ROR1: variants seen among roughly 807,000 people sequenced by gnomAD.
ROR1 encodes ROR family WNT receptor 1.
A neutral mutation model predicts 78.8 loss-of-function variants in ROR1; 19 were observed. That is an observed-to-expected ratio of 0.24 (90% CI 0.17 to 0.35). ROR1 has a LOEUF of 0.35. Ranked by LOEUF, ROR1 falls within the 10% of genes least tolerant of loss-of-function variation. ROR1 has a pLI of 1.00. For synonymous variants in ROR1, 386 were observed against 433.6 expected (o/e 0.89, Z 1.36); for missense variants, 917 against 1,177.8 (o/e 0.78, Z 3.24).
At chr1:64,130,001 GA>G (rs1353748001) in intron 4 of ROR1, among the ~76,000 whole-genome samples, 1 of 151,926 alleles carries the variant, frequency 6.6e-6, no homozygotes, top group South Asian at 2.1e-4. Flanking sequence ...ATAGCCAAGG[GA>G]AAAAAACTTC....
Position 63,774,460 on chromosome 1 carries a change from G to T in ROR1, c.43G>T (p.Ala15Ser). 3.4e-6 allele frequency: 4 copies of T among 1,171,890 alleles called. No individual in the cohort carries two copies. Among genetic ancestry groups the T allele is most frequent in the Non-Finnish European group, 4.2e-6 (4 of 954,464 alleles). The allele number at this position is 1,171,890 out of a possible 1,614,324, so 72.6% of individuals were successfully genotyped here. A position where few individuals can be genotyped will look rare whatever the true frequency, so the allele number is the denominator to read the frequency against. The change falls in exon 1 of 9, where the codon GCG (alanine) becomes TCG (serine). Residue 15 changes from alanine to serine, a missense_variant. By Grantham distance (99) the Ala-to-Ser change is moderately conservative. Coordinates refer to ENST00000371079, the MANE Select transcript of ROR1 (RefSeq NM_005012.4). This position sits in a 1 kb window ranked among gnomAD's most constrained non-coding sequence, Gnocchi z 5.7. ...RRRGTRPPLL[A>S]LLAALLLAAR... ...CCGCGGGACGCGCCCGCCGCTCCTG[G>T]CGCTGCTGGCCGCGCTGCTGCTGGC... is the stretch of plus-strand genomic sequence containing the variant.
At chr1:64,024,393 A>G (rs1646591431) in intron 2 of ROR1, among the ~76,000 whole-genome samples, 1 of 152,184 alleles carries the variant, frequency 6.6e-6, no homozygotes, top group Non-Finnish European at 1.5e-5. Context: ...AGGCAGGAGA[A>G]TCACTGGAAC....
At position 64,047,417 on chromosome 1, in the gene ROR1, G is replaced by A. The variant is rs531713267; in HGVS notation, c.164-2274G>A. On this transcript the variant is annotated intron_variant, in intron 2 of 8. Coordinates refer to ENST00000371079, the MANE Select transcript of ROR1 (RefSeq NM_005012.4). Reference sequence around the variant, plus strand: ...CCCTGTTTATTATTTTGGTTTTTCCGTTGGTTAAACTGAGGTACAAAGAGG... The same window carrying A: ...CCCTGTTTATTATTTTGGTTTTTCCATTGGTTAAACTGAGGTACAAAGAGG... Among the ~76,000 whole-genome samples, 22 of 152,154 alleles carry A rather than the reference G, an allele frequency of 1.4e-4. No individual in the cohort carries two copies. In the South Asian group the frequency reaches 2.7e-3, roughly 19 times the overall value.
chr1:63,786,462 C>T (rs1292785538), intron 1 of ROR1, among the ~76,000 whole-genome samples: 3 of 150,974 alleles, frequency 2.0e-5, no homozygotes, highest in African/African-American at 4.9e-5. Flanking sequence ...TTAATAGAGA[C>T]GGGGTTTCAC....
At chr1:63,933,304 G>T (rs955556069) in intron 1 of ROR1, among the ~76,000 whole-genome samples, 2 of 152,136 alleles carry the variant, frequency 1.3e-5, no homozygotes, top group African/African-American at 4.8e-5. Context: ...GTAAAACAGG[G>T]TTAATAATTC....
At chr1:63,924,010 C>T (rs1423458675) in intron 1 of ROR1, among the ~76,000 whole-genome samples, 3 of 151,738 alleles carry the variant, frequency 2.0e-5, no homozygotes, top group Non-Finnish European at 2.9e-5. Flanking sequence ...GCTCTAAACA[C>T]GGGGTTCTTC....
rs544010122 is a variant in ROR1, at chr1:63,932,033, A to G, written c.92-77272A>G. On this transcript the variant is annotated intron_variant, in intron 1 of 8. Coordinates refer to ENST00000371079, the MANE Select transcript of ROR1 (RefSeq NM_005012.4). ...ACTGCTATACTCATATTATGTACTC[A>G]TAATAATGCCTACCTTACATGCTTG... Among the ~76,000 whole-genome samples, 121 of 152,264 alleles carry G rather than the reference A, an allele frequency of 7.9e-4. 3 individuals carry two copies. The highest frequency in any genetic ancestry group is 7.0e-3 in the Admixed American group (107 of 15,290).
At chr1:63,936,090 T>C (rs762003441) in intron 1 of ROR1, among the ~76,000 whole-genome samples, 2 of 152,218 alleles carry the variant, frequency 1.3e-5, no homozygotes, top group Non-Finnish European at 2.9e-5. Flanking sequence ...TACCTGCTGA[T>C]TGAAAGACCG....
intron 1 of ROR1, among the ~76,000 whole-genome samples, chr1:63,806,324 T>TC: frequency 6.6e-6 from 1 of 150,854 alleles, no homozygotes; most frequent in East Asian, 1.9e-4. Context: ...CTATTTTTTT[T>TC]TTTTTTTTTT....
intron 1 of ROR1, among the ~76,000 whole-genome samples, chr1:63,861,548 C>G (rs568019505): frequency 6.6e-6 from 1 of 152,268 alleles, no homozygotes; most frequent in East Asian, 1.9e-4. Context: ...CAAGACAGGT[C>G]TGTAGGAAAT....
chr1:64,148,913 A>G (rs1161244937), intron 7 of ROR1, among the ~76,000 whole-genome samples: 1 of 152,236 alleles, frequency 6.6e-6, no homozygotes, highest in Non-Finnish European at 1.5e-5. Context: ...CACTCACAGA[A>G]ACCAATATAT....
intron 1 of ROR1, among the ~76,000 whole-genome samples, chr1:63,937,092 C>T (rs1254353719): frequency 1.3e-5 from 2 of 152,116 alleles, no homozygotes; most frequent in African/African-American, 4.8e-5. Context: ...GATAATTGGC[C>T]AAGGAATTGG....
At chr1:64,133,397 G>C (rs1042165229) in intron 4 of ROR1, among the ~76,000 whole-genome samples, 1 of 152,204 alleles carries the variant, frequency 6.6e-6, no homozygotes, top group Non-Finnish European at 1.5e-5. Context: ...GTGGTTCCTA[G>C]ATGGGCACTC....
At chr1:63,795,545 A>G (rs1480265897) in intron 1 of ROR1, among the ~76,000 whole-genome samples, 2 of 152,176 alleles carry the variant, frequency 1.3e-5, no homozygotes, top group African/African-American at 4.8e-5. Context: ...TGAGCTGAGC[A>G]AGCTCATGGA....
intron 4 of ROR1, 106 bp downstream of exon 4, chr1:64,050,822 A>T (rs1646822626): frequency 9.1e-7 from 1 of 1,100,436 alleles, no homozygotes. Flanking sequence ...TGGCTTCCAG[A>T]TGTCATTCCA....
intron 8 of ROR1, among the ~76,000 whole-genome samples, chr1:64,163,272 G>T (rs954979803): frequency 2.0e-5 from 3 of 146,964 alleles, no homozygotes; most frequent in Middle Eastern, 3.2e-3. Flanking sequence ...CACACAATTC[G>T]CCAGGCATGG....
chr1:64,157,298 T>G (rs1232828770), intron 7 of ROR1, among the ~76,000 whole-genome samples: 1 of 152,008 alleles, frequency 6.6e-6, no homozygotes, highest in African/African-American at 2.4e-5. Flanking sequence ...CCACCATGCC[T>G]GGCTAATTTT....
intron 1 of ROR1, among the ~76,000 whole-genome samples, chr1:63,814,675 T>C (rs1644878986): frequency 6.6e-6 from 1 of 151,952 alleles, no homozygotes; most frequent in Admixed American, 6.6e-5. Flanking sequence ...ACCTCGCATA[T>C]GCAGTTCACA....
rs371935993 is a variant in ROR1, at chr1:63,900,453, C to CAAA, written c.92-108837_92-108835dup. ...TGGACAACAGAGTGAGACTCCATCT[C>CAAA]AAAAAAAAAAAAAAAAAGGAAAAGT... On this transcript the variant is annotated intron_variant, in intron 1 of 8. Coordinates refer to ENST00000371079, the MANE Select transcript of ROR1 (RefSeq NM_005012.4). 3.9e-3 allele frequency among the ~76,000 whole-genome samples: 430 copies of CAAA among 109,936 alleles called. 5 individuals are homozygous for CAAA. The highest frequency in any genetic ancestry group is 4.6e-3 in the East Asian group (18 of 3,886). 72.1% of individuals were successfully genotyped at this position (109,936 alleles called of 152,430 possible).
Sources: gnomAD v4.1 joint callset for allele counts (sites outside exome capture counted in the v4.1 genomes callset) on GRCh38, gnomAD v4.1.1 for gene constraint, Gnocchi (gnomAD v3.1) non-coding constraint, MANE v1.5 for transcripts, NCBI Gene and HGNC (gene_info 2026-07-23, HGNC 2026-07-21) for gene names.